The following TAFA5 variants were observed in gnomAD, a reference collection of about 807,000 sequenced individuals.
TAFA5 encodes the protein TAFA chemokine like family member 5, also known as chemokine-like protein TAFA-5.
Under a neutral mutation model 15.3 loss-of-function variants are expected in TAFA5, and 6 were observed. The ratio of observed to expected loss-of-function variants is 0.39; its 90% CI spans 0.21 to 0.77. TAFA5 has a LOEUF of 0.77. Ranked by LOEUF, TAFA5 falls within the 30% of genes least tolerant of loss-of-function variation. The pLI, the probability that TAFA5 is intolerant of heterozygous loss-of-function variation, is 0.41. For missense variants in TAFA5, 161 were observed against 193.1 expected, an observed-to-expected ratio of 0.83 and a Z score of 0.98; for synonymous variants, 103 against 80.7, an observed-to-expected ratio of 1.28 and a Z score of -1.48.
chr22:48,657,881 C>CCCGGCA (rs1483248146), intron 2 of TAFA5, among the ~76,000 whole-genome samples: 1 of 151,898 alleles, frequency 6.6e-6, no homozygotes, highest in African/African-American at 2.4e-5. Context: ...GGGACGCTGC[C>CCCGGCA]GCTCTTGAAC....
intron 1 of TAFA5, among the ~76,000 whole-genome samples, chr22:48,596,300 C>T (rs1420392321): frequency 1.3e-5 from 2 of 152,188 alleles, no homozygotes; most frequent in African/African-American, 2.4e-5. Flanking sequence ...TGTGCCTCCA[C>T]GGCCCGTGTG....
chr22:48,553,332 C>T (rs866518033), intron 1 of TAFA5, among the ~76,000 whole-genome samples: 6 of 152,176 alleles, frequency 3.9e-5, no homozygotes, highest in Admixed American at 2.0e-4. Context: ...CCCACAGACA[C>T]GGGTCGGTCT....
intron 1 of TAFA5, among the ~76,000 whole-genome samples, chr22:48,584,652 C>T (rs1369161981): frequency 1.4e-5 from 2 of 147,622 alleles, no homozygotes; most frequent in Admixed American, 6.8e-5. Context: ...CACACATGCA[C>T]CACACACACA....
chr22:48,620,921 T>A (rs1222251502), intron 1 of TAFA5, among the ~76,000 whole-genome samples: 2 of 2,476 alleles, frequency 8.1e-4, no homozygotes. Context: ...CCACCTATCC[T>A]ATTCATCCAT....
rs1278941916 is a variant in TAFA5, at chr22:48,566,470, G to T, written c.112+76766G>T. 1.3e-5 allele frequency among the ~76,000 whole-genome samples: 2 copies of T among 151,792 alleles called. No homozygotes were observed. The highest frequency in any genetic ancestry group is 2.9e-5 in the Non-Finnish European group (2 of 67,954). ...ATTGATTGATGGAGGGATGGATGTT[G>T]GATGGGTGGATGACAGATGGATGGA... On this transcript the variant is annotated intron_variant, in intron 1 of 3. Coordinates refer to ENST00000402357, the MANE Select transcript of TAFA5 (RefSeq NM_001082967.3). The surrounding 1 kb of genome is among the most constrained non-coding windows in gnomAD (Gnocchi z 4.5).
Position 48,530,349 on chromosome 22 carries a change from A to T in TAFA5, c.112+40645A>T, listed in dbSNP as rs1036572715. Among the ~76,000 whole-genome samples, 30 of 152,148 alleles carry T rather than the reference A, an allele frequency of 2.0e-4. No individual in the cohort carries two copies. Among genetic ancestry groups the T allele is most frequent in the African/African-American group, 7.0e-4 (29 of 41,422 alleles). On this transcript the variant is annotated intron_variant, in intron 1 of 3. Transcript: ENST00000402357. This position sits in a 1 kb window ranked among gnomAD's most constrained non-coding sequence, Gnocchi z 6.0. ...AAACACAGAGTGAAGGAACCTCTGG[A>T]GGGCACAGGGGCCATCACCTGCTGG...
intron 1 of TAFA5, among the ~76,000 whole-genome samples, chr22:48,636,513 T>C (rs1926449902): frequency 6.6e-6 from 1 of 152,132 alleles, no homozygotes; most frequent in African/African-American, 2.4e-5. Context: ...ATTAGGCACT[T>C]AACTTATGAG....
chr22:48,704,464 A>T (rs938196898), intron 2 of TAFA5, among the ~76,000 whole-genome samples: 1 of 152,116 alleles, frequency 6.6e-6, no homozygotes, highest in Admixed American at 6.5e-5. Context: ...GGGAAGACGC[A>T]TGACAGATTC....
intron 1 of TAFA5, among the ~76,000 whole-genome samples, chr22:48,499,783 C>G (rs985947985): frequency 6.6e-6 from 1 of 152,208 alleles, no homozygotes. Context: ...TTCCTCCCCT[C>G]TTTTTAGGGC....
In TAFA5 at chr22:48,740,857, G is replaced by A. The variant is rs570928994; in HGVS notation, c.391-8982G>A. The stretch of plus-strand genomic sequence containing the variant: ...TCTCAGGGGAGCTCAGTGACCCCCC[G>A]CCCTCACCCCTGAGAACCCTGGGAC... On this transcript the variant is annotated intron_variant, in intron 3 of 3. Transcript: ENST00000402357. 3.0e-4 allele frequency among the ~76,000 whole-genome samples: 46 copies of A among 152,226 alleles called. No individual in the cohort carries two copies. In the South Asian group the frequency reaches 9.1e-3, roughly 30 times the overall value.
intron 2 of TAFA5, among the ~76,000 whole-genome samples, chr22:48,661,651 G>A (rs1458746121): frequency 6.6e-6 from 1 of 152,198 alleles, no homozygotes; most frequent in Non-Finnish European, 1.5e-5. Flanking sequence ...GTGGGTGCCA[G>A]ATTTGGAGGA....
chr22:48,722,992 C>T (rs114901812), intron 3 of TAFA5, among the ~76,000 whole-genome samples: 2,068 of 152,288 alleles, frequency 0.014, 44 homozygotes, highest in African/African-American at 0.047. Flanking sequence ...CTCCTCCAAA[C>T]GCTGGAGAAG....
At chr22:48,527,952 G>A (rs544024948) in intron 1 of TAFA5, among the ~76,000 whole-genome samples, 54 of 152,356 alleles carry the variant, frequency 3.5e-4, no homozygotes, top group African/African-American at 1.3e-3. Context: ...GCACTTCTGA[G>A]ATGCACTTTT....
chr22:48,561,814 T>C (rs1242284777), intron 1 of TAFA5, among the ~76,000 whole-genome samples: 1 of 152,206 alleles, frequency 6.6e-6, no homozygotes, highest in African/African-American at 2.4e-5. Flanking sequence ...TTTAGAAGTT[T>C]GTGTTTCCGA....
intron 1 of TAFA5, among the ~76,000 whole-genome samples, chr22:48,570,346 AC>A (rs1923540623): frequency 6.6e-6 from 1 of 152,244 alleles, no homozygotes; most frequent in African/African-American, 2.4e-5. Context: ...TTTTTATGAG[AC>A]AAGGGTATCT....
intron 3 of TAFA5, among the ~76,000 whole-genome samples, chr22:48,732,944 T>C (rs140910357): frequency 5.3e-4 from 80 of 152,332 alleles, no homozygotes; most frequent in Non-Finnish European, 9.3e-4. Flanking sequence ...TTTTTAGCAC[T>C]AACTTATTTT....
chr22:48,545,716 A>C (rs1351901019), intron 1 of TAFA5: 2 of 152,408 alleles, frequency 1.3e-5, no homozygotes, highest in Non-Finnish European at 2.9e-5. Context: ...CCTTGGGTGC[A>C]GGAGAGAGGG....
At chr22:48,515,550 A>T (rs1475909972) in intron 1 of TAFA5, among the ~76,000 whole-genome samples, 1 of 151,600 alleles carries the variant, frequency 6.6e-6, no homozygotes, top group African/African-American at 2.4e-5. Context: ...CTGCCTTCCC[A>T]TCTGCTCGTC....
At chr22:48,677,784 C>G (rs543958353) in intron 2 of TAFA5, among the ~76,000 whole-genome samples, 8 of 152,304 alleles carry the variant, frequency 5.3e-5, no homozygotes, top group Admixed American at 4.6e-4. Context: ...GCGTCCCCCT[C>G]CTGGATGACA....
Sources: gnomAD v4.1 joint callset for allele counts (sites outside exome capture counted in the v4.1 genomes callset) on GRCh38, gnomAD v4.1.1 for gene constraint, Gnocchi (gnomAD v3.1) non-coding constraint, MANE v1.5 for transcripts, NCBI Gene and HGNC (gene_info 2026-07-23, HGNC 2026-07-21) for gene names.